ICOS: variants seen among roughly 807,000 people sequenced by gnomAD.
The protein encoded by ICOS is inducible T cell costimulator, also known as inducible T-cell costimulator.
Under a neutral mutation model 24.6 loss-of-function variants are expected in ICOS, and 15 were observed. The ratio of observed to expected loss-of-function variants is 0.61; its 90% CI spans 0.41 to 0.94. ICOS has a LOEUF of 0.94. Ranked by LOEUF, ICOS falls within the 40% of genes least tolerant of loss-of-function variation. ICOS has a pLI of 0.00. For synonymous variants in ICOS, 89 were observed against 77.5 expected, an observed-to-expected ratio of 1.15 and a Z score of -0.78; for missense variants, 200 against 233.0, an observed-to-expected ratio of 0.86 and a Z score of 0.92.
At position 203,958,014 on chromosome 2, in the gene ICOS, A is replaced by G. The variant is rs550322448; in HGVS notation, c.586+131A>G. On this transcript the variant is annotated intron_variant, in intron 4 of 4. Transcript: ENST00000316386. ...AGGCCTAATTCTAGAATTTTCTGTG[A>G]AAATCTGGATTTCTCACTTTTAACT... is the stretch of plus-strand genomic sequence containing the variant. 4 of 636,494 alleles carry G rather than the reference A, an allele frequency of 6.3e-6. No homozygotes were observed. The African/African-American group carries it at 7.4e-5, about 12-fold the overall frequency. 39.4% of individuals were successfully genotyped at this position (636,494 alleles called of 1,614,324 possible).
At chr2:203,955,603 C>T in intron 1 of ICOS, 33 bp from the exon 2 acceptor site, 1 of 1,523,238 alleles carries the variant, frequency 6.6e-7, no homozygotes, top group East Asian at 2.3e-5. Context: ...TATAAAATGT[C>T]ACTTTTGCTT....
rs1308503291 is a variant in ICOS, at chr2:203,959,675, C to A, written c.*76C>A. On this transcript the variant is annotated 3_prime_UTR_variant, in exon 5 of 5. Coordinates refer to ENST00000316386, the MANE Select transcript of ICOS (RefSeq NM_012092.4). ...CTTGAAGTGCAAGATTCTCTTATTTCCGGGACCACGGAGAGTCTGACTTAA... is the reference window on the plus strand; with the variant it reads ...CTTGAAGTGCAAGATTCTCTTATTTACGGGACCACGGAGAGTCTGACTTAA... The A allele has an allele frequency of 2.2e-6, 3 of 1,371,570 alleles. No individual in the cohort carries two copies. The highest frequency in any genetic ancestry group is 3.1e-6 in the Non-Finnish European group (3 of 960,156). The allele number at this position is 1,371,570 out of a possible 1,614,324, so 85.0% of individuals were successfully genotyped here.
intron 1 of ICOS, among the ~76,000 whole-genome samples, chr2:203,952,273 A>T (rs1178477626): frequency 2.0e-5 from 3 of 152,228 alleles, no homozygotes; most frequent in Non-Finnish European, 4.4e-5. Flanking sequence ...GGAAGAAATC[A>T]AAACATGTAT....
intron 1 of ICOS, among the ~76,000 whole-genome samples, chr2:203,939,040 C>A (rs890665221): frequency 6.6e-6 from 1 of 152,220 alleles, no homozygotes; most frequent in Non-Finnish European, 1.5e-5. Context: ...GTTGTATTTT[C>A]AATCCTCCCA....
chr2:203,959,583 C>T lies in ICOS; in HGVS notation c.587-3C>T, dbSNP rs2105756954. ...GATAATTTATGCTGAATTTTTGTTACAGATGTGACCCTATAATATGGAACT... is the reference window on the plus strand; with the variant it reads ...GATAATTTATGCTGAATTTTTGTTATAGATGTGACCCTATAATATGGAACT... On this transcript the variant is annotated splice_polypyrimidine_tract_variant and splice_region_variant and intron_variant, in intron 4 of 4. Transcript: ENST00000316386. 6.2e-7 allele frequency: 1 copy of T among 1,612,924 alleles called. No individual in the cohort carries two copies. The highest frequency in any genetic ancestry group is 8.5e-7 in the Non-Finnish European group (1 of 1,179,046).
At chr2:203,946,411 T>G in intron 1 of ICOS, among the ~76,000 whole-genome samples, 1 of 302 alleles carries the variant, frequency 3.3e-3, no homozygotes, top group South Asian at 0.25. Context: ...TTCTTCCCAT[T>G]TTTTTTTTTT....
intron 1 of ICOS, among the ~76,000 whole-genome samples, chr2:203,939,210 T>C (rs1273850465): frequency 6.6e-6 from 1 of 152,240 alleles, no homozygotes; most frequent in Non-Finnish European, 1.5e-5. Context: ...TCTACATTCT[T>C]TCTAAACTGT....
At chr2:203,944,566 G>A (rs1447665610) in intron 1 of ICOS, among the ~76,000 whole-genome samples, 2 of 152,110 alleles carry the variant, frequency 1.3e-5, no homozygotes, top group East Asian at 1.9e-4. Flanking sequence ...CCATTACAAA[G>A]ATATTTACCA....
At chr2:203,947,398 T>TC (rs1689892057) in intron 1 of ICOS, among the ~76,000 whole-genome samples, 2 of 152,240 alleles carry the variant, frequency 1.3e-5, no homozygotes, top group South Asian at 2.1e-4. Context: ...AACCTCTGAC[T>TC]CCCTGGTTCA....
chr2:203,955,798 C>T lies in ICOS; in HGVS notation c.221C>T (p.Thr74Ile). 1 of 1,613,820 alleles carries T rather than the reference C, an allele frequency of 6.2e-7. No individual in the cohort carries two copies. The change falls in exon 2 of 5, where the codon ACA becomes ATA. Residue 74 changes from threonine (T) to isoleucine (I), a missense_variant. Coordinates refer to ENST00000316386, the MANE Select transcript of ICOS (RefSeq NM_012092.4). ...DLTKTKGSGN[T>I]VSIKSLKFCH... is the part of the protein sequence containing the mutation. ...ACTAAGACAAAAGGAAGTGGAAACA[C>T]AGTGTCCATTAAGAGTCTGAAATTC... is the stretch of plus-strand genomic sequence containing the variant.
Position 203,960,078 on chromosome 2 carries a change from A to G in ICOS, c.*479A>G. 1 of 245,740 alleles carries G rather than the reference A, an allele frequency of 4.1e-6. No homozygotes were observed. 15.2% of individuals were successfully genotyped at this position (245,740 alleles called of 1,614,324 possible). ...TTTAATCAGTCAAGGGAGATGCTTC[A>G]AAGCTGGAGCTATTTTATTTCTGAG... On this transcript the variant is annotated 3_prime_UTR_variant, in exon 5 of 5. Transcript: ENST00000316386.
chr2:203,956,534 A>G (rs1349367931), intron 2 of ICOS, 125 bp from the exon 3 acceptor site: 2 of 735,382 alleles, frequency 2.7e-6, no homozygotes, highest in Admixed American at 2.0e-5. Flanking sequence ...TAACTTGCCC[A>G]CTTACTGGAT....
rs1690155172 is a variant in ICOS, at chr2:203,960,286, T to C, written c.*687T>C. 1 of 156,268 alleles carries C rather than the reference T, an allele frequency of 6.4e-6. No homozygotes were observed. Among genetic ancestry groups the C allele is most frequent in the Non-Finnish European group, 1.4e-5 (1 of 70,388 alleles). 9.7% of individuals were successfully genotyped at this position (156,268 alleles called of 1,614,324 possible). A position where few individuals can be genotyped will look rare whatever the true frequency, so the allele number is the denominator to read the frequency against. The stretch of plus-strand genomic sequence containing the variant: ...TCTCAATAGAGAGCTATGTCTTACA[T>C]TCTTTCCTCTGCTGCTCAATAGTTT... On this transcript the variant is annotated 3_prime_UTR_variant, in exon 5 of 5. Coordinates refer to ENST00000316386, the MANE Select transcript of ICOS (RefSeq NM_012092.4).
chr2:203,956,828 A>G, intron 3 of ICOS, 63 bp downstream of exon 3: 5 of 1,106,728 alleles, frequency 4.5e-6, no homozygotes, highest in Non-Finnish European at 2.8e-6. Context: ...TTATTTCCTC[A>G]TCAAAAGTAC....
chr2:203,939,767 G>A (rs1228554388), intron 1 of ICOS, among the ~76,000 whole-genome samples: 3 of 152,064 alleles, frequency 2.0e-5, no homozygotes, highest in Admixed American at 6.6e-5. Flanking sequence ...GAAGATGACT[G>A]ACCTTGGAGC....
chr2:203,959,625 A>C lies in ICOS; in HGVS notation c.*26A>C. 6.2e-7 allele frequency: 1 copy of C among 1,611,864 alleles called. No homozygotes were observed. The highest frequency in any genetic ancestry group is 8.5e-7 in the Non-Finnish European group (1 of 1,178,052). On this transcript the variant is annotated 3_prime_UTR_variant, in exon 5 of 5. Transcript: ENST00000316386. ...TATGGAACTCTGGCACCCAGGCATG[A>C]AGCACGTTGGCCAGTTTTCCTCAAC...
intron 1 of ICOS, among the ~76,000 whole-genome samples, chr2:203,954,013 C>T (rs773941958): frequency 2.6e-5 from 4 of 152,040 alleles, no homozygotes; most frequent in Non-Finnish European, 5.9e-5. Context: ...TTTACACTTA[C>T]ATAGTTTTCT....
At chr2:203,940,042 G>T (rs896465823) in intron 1 of ICOS, among the ~76,000 whole-genome samples, 1 of 151,984 alleles carries the variant, frequency 6.6e-6, no homozygotes, top group African/African-American at 2.4e-5. Context: ...TTTGCCTCCG[G>T]TTAATTTGGA....
intron 1 of ICOS, among the ~76,000 whole-genome samples, chr2:203,942,934 C>A (rs1689803486): frequency 6.6e-6 from 1 of 152,182 alleles, no homozygotes; most frequent in African/African-American, 2.4e-5. Flanking sequence ...TCTAGTTGTT[C>A]AATTCTATTG....
Sources: gnomAD v4.1 joint callset for allele counts (sites outside exome capture counted in the v4.1 genomes callset) on GRCh38, gnomAD v4.1.1 for gene constraint, MANE v1.5 for transcripts, NCBI Gene and HGNC (gene_info 2026-07-23, HGNC 2026-07-21) for gene names.